SLC4A1AP: variants seen among roughly 807,000 people sequenced by gnomAD.
The protein encoded by SLC4A1AP is kanadaptin.
A neutral mutation model predicts 89.7 loss-of-function variants in SLC4A1AP; 64 were observed. That is an observed-to-expected ratio of 0.71 (90% CI 0.58 to 0.88). The LOEUF (loss-of-function observed/expected upper bound fraction) is 0.88. Ranked by LOEUF, SLC4A1AP falls within the 40% of genes least tolerant of loss-of-function variation. SLC4A1AP has a pLI of 0.00. For missense variants in SLC4A1AP, 931 were observed against 965.0 expected, an observed-to-expected ratio of 0.96 and a Z score of 0.47; for synonymous variants, 366 against 353.3, an observed-to-expected ratio of 1.04 and a Z score of -0.40.
At chr2:27,676,502 T>C (rs1675525267) in intron 6 of SLC4A1AP, among the ~76,000 whole-genome samples, 1 of 152,086 alleles carries the variant, frequency 6.6e-6, no homozygotes, top group Admixed American at 6.5e-5. Flanking sequence ...CAGAAATAAA[T>C]TAAATTTGGA....
At chr2:27,670,218 G>T (rs908402534) in intron 5 of SLC4A1AP, among the ~76,000 whole-genome samples, 3 of 151,540 alleles carry the variant, frequency 2.0e-5, no homozygotes, top group African/African-American at 7.3e-5. Context: ...GGCTGGTCTC[G>T]AACTCCTGAC....
chr2:27,672,050 C>T (rs968115466), intron 5 of SLC4A1AP, among the ~76,000 whole-genome samples: 2 of 151,984 alleles, frequency 1.3e-5, no homozygotes, highest in Non-Finnish European at 2.9e-5. Context: ...TGTATGTCAT[C>T]TTTTTTTTCC....
chr2:27,675,977 A>G (rs1386650297), intron 6 of SLC4A1AP, among the ~76,000 whole-genome samples: 5 of 152,208 alleles, frequency 3.3e-5, no homozygotes, highest in Admixed American at 1.3e-4. Flanking sequence ...AGGAAAGGAA[A>G]AAGTTCCAAG....
intron 10 of SLC4A1AP, 23 bp downstream of exon 10, chr2:27,685,300 T>C (rs1381858247): frequency 1.9e-5 from 30 of 1,587,462 alleles, no homozygotes; most frequent in Non-Finnish European, 2.5e-5. Flanking sequence ...TTCTCCTTCC[T>C]GTGTTGTTCA....
Position 27,677,292 on chromosome 2 carries a change from C to T in SLC4A1AP, c.1507-3C>T. 1 of 1,605,248 alleles carries T rather than the reference C, an allele frequency of 6.2e-7. No individual in the cohort carries two copies. On this transcript the variant is annotated splice_polypyrimidine_tract_variant and splice_region_variant and intron_variant, in intron 6 of 13. Coordinates refer to ENST00000613058, the Ensembl canonical transcript of SLC4A1AP. ...TGTAACCCTGTTGATTTGGGTGTTACAGGTTGCAAAATTAAATGATGCTGA... is the reference window on the plus strand; with the variant it reads ...TGTAACCCTGTTGATTTGGGTGTTATAGGTTGCAAAATTAAATGATGCTGA...
At chr2:27,683,306 A>G (rs1675649713) in intron 9 of SLC4A1AP, among the ~76,000 whole-genome samples, 1 of 152,178 alleles carries the variant, frequency 6.6e-6, no homozygotes, top group Admixed American at 6.5e-5. Flanking sequence ...AAAGGTTTTC[A>G]TTACCCCTAA....
chr2:27,663,977 G>A, exon 1 of SLC4A1AP: 2 of 1,614,236 alleles, frequency 1.2e-6, no homozygotes, highest in Non-Finnish European at 8.5e-7. Flanking sequence ...GGGACTTCAA[G>A]AAGCCAGCTC....
intron 11 of SLC4A1AP, among the ~76,000 whole-genome samples, 179 bp from the exon 12 acceptor site, chr2:27,688,521 T>C (rs1675741080): frequency 6.6e-6 from 1 of 152,230 alleles, no homozygotes; most frequent in Non-Finnish European, 1.5e-5. Context: ...CTAGGGTTAT[T>C]CATCCAGGAA....
At chr2:27,668,034 T>C (rs1399035582) in intron 3 of SLC4A1AP, among the ~76,000 whole-genome samples, 1 of 152,192 alleles carries the variant, frequency 6.6e-6, no homozygotes, top group African/African-American at 2.4e-5. Flanking sequence ...TACTTTGATC[T>C]GAGTTTGTTT....
chr2:27,673,601 C>T (rs1358546772), intron 5 of SLC4A1AP, among the ~76,000 whole-genome samples: 1 of 151,916 alleles, frequency 6.6e-6, no homozygotes, highest in Non-Finnish European at 1.5e-5. Flanking sequence ...GTAGCTGGGA[C>T]TACAGGTGCA....
chr2:27,665,458 C>T (rs1675300946), intron 2 of SLC4A1AP, among the ~76,000 whole-genome samples, 163 bp downstream of exon 2: 1 of 152,142 alleles, frequency 6.6e-6, no homozygotes, highest in Non-Finnish European at 1.5e-5. Flanking sequence ...GATTCACTGA[C>T]TTTACTGTTG....
chr2:27,665,009 T>TTA (rs1412847603), intron 1 of SLC4A1AP, 91 bp from the exon 2 acceptor site: 1 of 992,360 alleles, frequency 1.0e-6, no homozygotes, highest in Non-Finnish European at 1.5e-6. Flanking sequence ...GTGAGGTGTA[T>TTA]TACAGCCACT....
At chr2:27,683,068 A>G (rs866555271) in intron 9 of SLC4A1AP, among the ~76,000 whole-genome samples, 1 of 152,160 alleles carries the variant, frequency 6.6e-6, no homozygotes, top group South Asian at 2.1e-4. Context: ...ATTTTTCTTC[A>G]TTTAATCCTT....
chr2:27,681,845 A>G (rs562675410), intron 8 of SLC4A1AP, among the ~76,000 whole-genome samples: 3 of 151,924 alleles, frequency 2.0e-5, no homozygotes, highest in South Asian at 2.1e-4. Flanking sequence ...GCTCAGAGCT[A>G]TTGCGCTTAA....
intron 5 of SLC4A1AP, among the ~76,000 whole-genome samples, chr2:27,674,455 T>C (rs1675481080): frequency 6.6e-6 from 1 of 152,216 alleles, no homozygotes; most frequent in Non-Finnish European, 1.5e-5. Flanking sequence ...GCATTTTTAA[T>C]GGCAGATATT....
At chr2:27,680,031 C>A (rs1354002262) in intron 8 of SLC4A1AP, among the ~76,000 whole-genome samples, 1 of 152,072 alleles carries the variant, frequency 6.6e-6, no homozygotes, top group Non-Finnish European at 1.5e-5. Context: ...TCCCCCCAAC[C>A]CTTCATTGGT....
At chr2:27,681,136 A>G (rs1468585386) in intron 8 of SLC4A1AP, among the ~76,000 whole-genome samples, 1 of 152,148 alleles carries the variant, frequency 6.6e-6, no homozygotes, top group African/African-American at 2.4e-5. Context: ...AGCTGAAAAC[A>G]TCTGTGTTGC....
chr2:27,664,317 T>G, exon 1 of SLC4A1AP: 3 of 1,614,194 alleles, frequency 1.9e-6, no homozygotes, highest in Non-Finnish European at 2.5e-6. Flanking sequence ...GACGAGTTAC[T>G]GCCTTTTCGG....
intron 5 of SLC4A1AP, among the ~76,000 whole-genome samples, chr2:27,670,817 C>T (rs1675414164): frequency 6.6e-6 from 1 of 151,442 alleles, no homozygotes; most frequent in African/African-American, 2.4e-5. Flanking sequence ...GCCGAGATCG[C>T]GCCACTGCAC....
Sources: allele counts gnomAD v4.1 joint callset (sites outside exome capture counted in the v4.1 genomes callset), GRCh38; gene constraint gnomAD v4.1.1; transcripts MANE v1.5; gene names NCBI Gene and HGNC (gene_info 2026-07-23, HGNC 2026-07-21).